FAM149B1: variants seen among roughly 807,000 people sequenced by gnomAD.
The protein encoded by FAM149B1 is family with sequence similarity 149 member B1.
In FAM149B1, 56 loss-of-function variants were observed where a neutral mutation model predicts 75.3. That is an observed-to-expected ratio of 0.74 (90% CI 0.60 to 0.93). The LOEUF (loss-of-function observed/expected upper bound fraction) is 0.93, where lower values mean the gene tolerates loss of function less well. Among genes scored for constraint, FAM149B1 ranks in the 40% least tolerant of loss-of-function variants. FAM149B1 has a pLI of 0.00. For synonymous variants in FAM149B1, 259 were observed against 256.1 expected, an observed-to-expected ratio of 1.01 and a Z score of -0.11; for missense variants, 639 against 708.4, an observed-to-expected ratio of 0.90 and a Z score of 1.11.
chr10:73,201,021 C>A, intron 5 of FAM149B1: 1 of 307,424 alleles, frequency 3.3e-6, no homozygotes, highest in South Asian at 4.2e-5. Context: ...GGACTGATGT[C>A]CAACAAGTGT....
intron 5 of FAM149B1, among the ~76,000 whole-genome samples, chr10:73,196,369 T>G (rs546598596): frequency 2.0e-5 from 3 of 152,098 alleles, no homozygotes; most frequent in Non-Finnish European, 4.4e-5. Flanking sequence ...TCACCCAGGC[T>G]GGAGTGCAGT....
chr10:73,222,446 G>T (rs1213722852), intron 7 of FAM149B1, among the ~76,000 whole-genome samples: 2 of 151,996 alleles, frequency 1.3e-5, no homozygotes, highest in Non-Finnish European at 2.9e-5. Flanking sequence ...CTAGCCTCAG[G>T]TGGCTTCTTC....
At chr10:73,228,489 A>T (rs1033995232) in intron 8 of FAM149B1, among the ~76,000 whole-genome samples, 4 of 152,210 alleles carry the variant, frequency 2.6e-5, no homozygotes, top group African/African-American at 4.8e-5. Flanking sequence ...CTTATGATAA[A>T]AATGACTCAT....
At chr10:73,185,992 A>C (rs2133321766) in intron 3 of FAM149B1, among the ~76,000 whole-genome samples, 1 of 152,312 alleles carries the variant, frequency 6.6e-6, no homozygotes, top group East Asian at 1.9e-4. Context: ...AGTCATCACA[A>C]GAAAACTACA....
At chr10:73,231,380 G>A (rs2043694701) in intron 9 of FAM149B1, 1 of 152,184 alleles carries the variant, frequency 6.6e-6, no homozygotes, top group Non-Finnish European at 1.5e-5. Flanking sequence ...ACAGGTATAT[G>A]TTTAGTTTCA....
In FAM149B1 at chr10:73,193,710, T is replaced by C. The variant is rs192044928; in HGVS notation, c.542+117T>C. 8.8e-5 allele frequency: 87 copies of C among 987,086 alleles called. No homozygotes were observed. The East Asian group carries it at 2.1e-3, about 24-fold the overall frequency. The allele number at this position is 987,086 out of a possible 1,614,324, so 61.1% of individuals were successfully genotyped here. On this transcript the variant is annotated intron_variant, in intron 5 of 13. Transcript: ENST00000242505. The stretch of plus-strand genomic sequence containing the variant: ...CTACTTATTAGTATTTAGTAAAGCA[T>C]AGCAAATTCTGTAAGATTGTCCATA...
rs376460504 is a variant in FAM149B1, at chr10:73,228,143, C to T, written c.982C>T (p.Arg328Ter). ...TGAACTACATCCTTTGGTGTTACCG[C>T]GAGTGCCACAGTCTAAGGTGCTGTA... ...LSELHPLVLP[R>*]VPQSKVLYIT... The change falls in exon 8 of 14, where the codon CGA becomes TGA. Residue 328 changes from arginine (R) to a stop codon, truncating the protein, a stop_gained. Coordinates refer to ENST00000242505, the MANE Select transcript of FAM149B1 (RefSeq NM_173348.2). LOFTEE classifies it high-confidence loss of function. 26 of 1,551,456 alleles carry T rather than the reference C, an allele frequency of 1.7e-5. No homozygotes were observed. Among genetic ancestry groups the T allele is most frequent in the South Asian group, 7.1e-5 (6 of 84,054 alleles).
intron 3 of FAM149B1, among the ~76,000 whole-genome samples, chr10:73,190,256 T>C (rs2042647864): frequency 6.6e-6 from 1 of 151,326 alleles, no homozygotes; most frequent in Non-Finnish European, 1.5e-5. Context: ...TTTTTTTTTT[T>C]AGACCCGAAG....
chr10:73,225,726 G>C (rs1405651553), intron 7 of FAM149B1, among the ~76,000 whole-genome samples: 1 of 152,164 alleles, frequency 6.6e-6, no homozygotes, highest in Admixed American at 6.5e-5. Context: ...CTCACTCAGA[G>C]CAACTTTCAT....
Position 73,241,417 on chromosome 10 carries a change from T to G in FAM149B1, c.*398T>G, listed in dbSNP as rs1349592083. Reference sequence around the variant, plus strand: ...ACAATATCACTGGCTTCAGAATACTTCAGCCTGTGTTCATTTCTGGAGAGT... The same window carrying G: ...ACAATATCACTGGCTTCAGAATACTGCAGCCTGTGTTCATTTCTGGAGAGT... On this transcript the variant is annotated 3_prime_UTR_variant, in exon 14 of 14. Coordinates refer to ENST00000242505, the MANE Select transcript of FAM149B1 (RefSeq NM_173348.2). 4.7e-6 allele frequency: 1 copy of G among 210,812 alleles called. No individual in the cohort carries two copies. Among genetic ancestry groups the G allele is most frequent in the Non-Finnish European group, 9.7e-6 (1 of 103,470 alleles). The allele number at this position is 210,812 out of a possible 1,614,324, so 13.1% of individuals were successfully genotyped here.
chr10:73,210,152 CTCAAA>C (rs1166891027), intron 6 of FAM149B1, 94 bp from the exon 7 acceptor site: 1 of 738,530 alleles, frequency 1.4e-6, no homozygotes, highest in East Asian at 3.0e-5. Context: ...TCCATTTTTC[CTCAAA>C]TCAAAGTGAA....
At chr10:73,228,545 CCTTTT>C (rs1375356908) in intron 8 of FAM149B1, among the ~76,000 whole-genome samples, 8 of 152,020 alleles carry the variant, frequency 5.3e-5, no homozygotes, top group South Asian at 2.1e-4. Context: ...ACGCCTCCTT[CCTTTT>C]GAGTTTTTCC....
In FAM149B1 at chr10:73,240,836, C is replaced by T. The variant is rs573465038; in HGVS notation, c.1676-110C>T. On this transcript the variant is annotated intron_variant, in intron 13 of 13. Coordinates refer to ENST00000242505, the MANE Select transcript of FAM149B1 (RefSeq NM_173348.2). ...ACAAAACTAGTTTACTGCTTTCATA[C>T]CTTAAGAAAGTCCAATTCATAATTG... The T allele has an allele frequency of 3.7e-4, 254 of 685,304 alleles. 3 individuals carry two copies. The South Asian group carries it at 4.0e-3, about 11-fold the overall frequency. 42.5% of individuals were successfully genotyped at this position (685,304 alleles called of 1,614,324 possible). A position where few individuals can be genotyped will look rare whatever the true frequency, so the allele number is the denominator to read the frequency against.
intron 3 of FAM149B1, among the ~76,000 whole-genome samples, chr10:73,188,752 AGGAG>A (rs1396420421): frequency 2.5e-5 from 3 of 118,346 alleles, no homozygotes; most frequent in African/African-American, 9.5e-5. Context: ...AAAGGAAGGA[AGGAG>A]GGAAGGAAGG....
intron 3 of FAM149B1, among the ~76,000 whole-genome samples, chr10:73,189,631 G>A (rs939347739): frequency 6.6e-6 from 1 of 152,174 alleles, no homozygotes; most frequent in African/African-American, 2.4e-5. Context: ...CCTGAATGAA[G>A]GAAGCCAAAC....
chr10:73,227,508 CCTG>C (rs1381144967), intron 7 of FAM149B1, among the ~76,000 whole-genome samples: 2 of 152,140 alleles, frequency 1.3e-5, no homozygotes, highest in African/African-American at 4.8e-5. Flanking sequence ...GCTGTTTCTG[CCTG>C]CTCTTTTTCA....
In FAM149B1 at chr10:73,192,524, C is replaced by A. The variant is rs1000823316; in HGVS notation, c.283-32C>A. On this transcript the variant is annotated intron_variant, in intron 3 of 13. Coordinates refer to ENST00000242505, the MANE Select transcript of FAM149B1 (RefSeq NM_173348.2). ...TTTTAACAGAGAGTGAATCAGCTCA[C>A]CTAAATATTTGGGGGGAATATTTTC... 3.9e-6 allele frequency: 6 copies of A among 1,544,794 alleles called. No homozygotes were observed. The African/African-American group carries it at 8.3e-5, about 21-fold the overall frequency.
chr10:73,212,567 C>A (rs767494192), intron 7 of FAM149B1, among the ~76,000 whole-genome samples: 1 of 151,802 alleles, frequency 6.6e-6, no homozygotes, highest in Non-Finnish European at 1.5e-5. Flanking sequence ...TGAGCCACTG[C>A]GCCTGGCTGT....
At chr10:73,175,312 G>A (rs972733901) in intron 2 of FAM149B1, among the ~76,000 whole-genome samples, 2 of 152,216 alleles carry the variant, frequency 1.3e-5, no homozygotes, top group African/African-American at 2.4e-5. Flanking sequence ...CAAGGCTGCA[G>A]TAAGCTGTGT....
Sources: gnomAD v4.1 joint callset for allele counts (sites outside exome capture counted in the v4.1 genomes callset) on GRCh38, gnomAD v4.1.1 for gene constraint, MANE v1.5 for transcripts, NCBI Gene and HGNC (gene_info 2026-07-23, HGNC 2026-07-21) for gene names.